The following ULK4 variants were observed in gnomAD, a reference collection of about 807,000 sequenced individuals.
ULK4 encodes the protein inactive serine/threonine-protein kinase ULK4.
ULK4 carries 133 observed loss-of-function variants against 160.6 expected under a neutral mutation model. That is an observed-to-expected ratio of 0.83 (90% CI 0.72 to 0.96). The LOEUF is 0.96. Among genes scored for constraint, ULK4 ranks in the 40% least tolerant of loss-of-function variants. The pLI is 0.00. For synonymous variants in ULK4, 534 were observed against 539.8 expected, an observed-to-expected ratio of 0.99 and a Z score of 0.15; for missense variants, 1,580 against 1,499.5, an observed-to-expected ratio of 1.05 and a Z score of -0.89.
intron 35 of ULK4, among the ~76,000 whole-genome samples, chr3:41,272,618 A>G (rs561746884): frequency 2.0e-5 from 3 of 150,800 alleles, no homozygotes; most frequent in African/African-American, 7.3e-5. Context: ...CTTGAGGTTC[A>G]TTGAGTATAT....
At chr3:41,396,278 G>A (rs2082059544) in intron 35 of ULK4, among the ~76,000 whole-genome samples, 1 of 151,560 alleles carries the variant, frequency 6.6e-6, no homozygotes, top group Admixed American at 6.6e-5. Context: ...TCTCCTATGG[G>A]CATCATATAA....
At chr3:41,529,845 A>G (rs796589780) in intron 32 of ULK4, among the ~76,000 whole-genome samples, 2 of 152,338 alleles carry the variant, frequency 1.3e-5, no homozygotes, top group African/African-American at 4.8e-5. Flanking sequence ...TAACATTAAA[A>G]TTTATACATA....
chr3:41,702,753 A>C (rs1327543048), intron 27 of ULK4, among the ~76,000 whole-genome samples: 2 of 152,158 alleles, frequency 1.3e-5, no homozygotes, highest in Non-Finnish European at 2.9e-5. Flanking sequence ...ACAAGAAGAG[A>C]TAAATTCATA....
At chr3:41,830,698 T>C (rs2041550669) in intron 18 of ULK4, among the ~76,000 whole-genome samples, 1 of 152,164 alleles carries the variant, frequency 6.6e-6, no homozygotes, top group Non-Finnish European at 1.5e-5. Flanking sequence ...TGACTACTCT[T>C]CTAATGAAAG....
chr3:41,482,145 A>G (rs189361113), intron 32 of ULK4, among the ~76,000 whole-genome samples: 76 of 152,282 alleles, frequency 5.0e-4, no homozygotes, highest in African/African-American at 1.8e-3. Flanking sequence ...CATGAGATCC[A>G]AGAACCCTCT....
chr3:41,342,137 T>C (rs769669684), intron 35 of ULK4, among the ~76,000 whole-genome samples: 1 of 152,140 alleles, frequency 6.6e-6, no homozygotes, highest in East Asian at 1.9e-4. Flanking sequence ...TACAGAAGCA[T>C]ATGGGGAGAG....
chr3:41,318,035 T>G (rs529673712), intron 35 of ULK4, among the ~76,000 whole-genome samples: 4 of 152,230 alleles, frequency 2.6e-5, no homozygotes, highest in Non-Finnish European at 5.9e-5. Flanking sequence ...CTACCACTGT[T>G]GTCCCAGAGG....
chr3:41,459,840 G>A (rs1367344646), intron 33 of ULK4, among the ~76,000 whole-genome samples: 1 of 152,190 alleles, frequency 6.6e-6, no homozygotes, highest in East Asian at 1.9e-4. Context: ...AGGCAGATGA[G>A]CTGGAAAGGT....
At chr3:41,691,988 T>G (rs1281839254) in intron 27 of ULK4, among the ~76,000 whole-genome samples, 2 of 145,136 alleles carry the variant, frequency 1.4e-5, no homozygotes, top group Non-Finnish European at 3.0e-5. Flanking sequence ...GTCTCGCTCT[T>G]TCACCCAGGC....
intron 27 of ULK4, among the ~76,000 whole-genome samples, chr3:41,704,420 T>C (rs931748771): frequency 7.9e-5 from 12 of 152,178 alleles, no homozygotes; most frequent in Non-Finnish European, 1.6e-4. Flanking sequence ...CTGATACTGC[T>C]CCTTGCACCA....
At chr3:41,727,830 T>C (rs1559511657) in intron 22 of ULK4, among the ~76,000 whole-genome samples, 1 of 152,180 alleles carries the variant, frequency 6.6e-6, no homozygotes, top group Non-Finnish European at 1.5e-5. Flanking sequence ...ACAATTTGGA[T>C]GAGAAGTCAT....
At chr3:41,311,261 T>G (rs551144068) in intron 35 of ULK4, among the ~76,000 whole-genome samples, 1 of 152,168 alleles carries the variant, frequency 6.6e-6, no homozygotes, top group Non-Finnish European at 1.5e-5. Context: ...CGTGAGGGCG[T>G]TGCCAAAGGA....
chr3:41,412,082 C>T (rs910519155), intron 34 of ULK4, among the ~76,000 whole-genome samples: 4 of 152,158 alleles, frequency 2.6e-5, no homozygotes, highest in African/African-American at 7.2e-5. Flanking sequence ...CTGGAGTCCA[C>T]GAGTGAGTTT....
At chr3:41,358,751 G>A (rs1468118641) in intron 35 of ULK4, among the ~76,000 whole-genome samples, 1 of 152,162 alleles carries the variant, frequency 6.6e-6, no homozygotes, top group Non-Finnish European at 1.5e-5. Flanking sequence ...AGATGAGGGA[G>A]AACTGGATTT....
chr3:41,718,343 C>T (rs1006338520), intron 22 of ULK4, among the ~76,000 whole-genome samples: 2 of 152,178 alleles, frequency 1.3e-5, no homozygotes, highest in South Asian at 2.1e-4. Context: ...ATCTAAATAT[C>T]TGGCTTTTAC....
chr3:41,621,214 T>A (rs577531999), intron 30 of ULK4, among the ~76,000 whole-genome samples: 160 of 152,192 alleles, frequency 1.1e-3, no homozygotes, highest in Admixed American at 2.7e-3. Flanking sequence ...GATTCAATAT[T>A]ATTCCTATCA....
chr3:41,710,906 T>C (rs559494884), intron 25 of ULK4, among the ~76,000 whole-genome samples: 1 of 151,060 alleles, frequency 6.6e-6, no homozygotes, highest in African/African-American at 2.4e-5. Flanking sequence ...AGAAAGCAGG[T>C]AGGAACAATT....
intron 35 of ULK4, among the ~76,000 whole-genome samples, chr3:41,290,846 C>T (rs1013819560): frequency 4.6e-5 from 7 of 152,158 alleles, no homozygotes; most frequent in Non-Finnish European, 1.0e-4. Flanking sequence ...AACTATAATT[C>T]CCTGACTCCC....
At chr3:41,940,472 T>C (rs1435836179) in intron 2 of ULK4, among the ~76,000 whole-genome samples, 3 of 151,944 alleles carry the variant, frequency 2.0e-5, no homozygotes, top group Admixed American at 1.3e-4. Context: ...GCCTGGACAA[T>C]ATAGTAAGAC....
Sources: gnomAD v4.1 joint callset for allele counts (sites outside exome capture counted in the v4.1 genomes callset) on GRCh38, gnomAD v4.1.1 for gene constraint, MANE v1.5 for transcripts, NCBI Gene and HGNC (gene_info 2026-07-23, HGNC 2026-07-21) for gene names.